LRRC73: variants seen among roughly 807,000 people sequenced by gnomAD.
LRRC73 encodes the protein leucine-rich repeat-containing protein 73.
Under a neutral mutation model 26.4 loss-of-function variants are expected in LRRC73, and 16 were observed. The observed-to-expected ratio is 0.61, with a 90% CI of 0.41 to 0.92. The LOEUF is 0.92. Ranked by LOEUF, LRRC73 falls within the 40% of genes least tolerant of loss-of-function variation. The probability of loss-of-function intolerance (pLI) is 0.00; values close to 1 mark genes in which losing one functional copy is unlikely to be tolerated. For missense variants in LRRC73, 344 were observed against 416.3 expected, an observed-to-expected ratio of 0.83 and a Z score of 1.51; for synonymous variants, 210 against 179.8, an observed-to-expected ratio of 1.17 and a Z score of -1.34.
At position 43,509,754 on chromosome 6, in the gene LRRC73, T is replaced by TC; in HGVS notation, c.31dup (p.Glu11GlyfsTer54). On this transcript the variant is annotated frameshift_variant, in exon 1 of 6. Transcript: ENST00000372441. LOFTEE classifies it high-confidence loss of function. ...CCGCACCTCGGCGCCGGACAGCGGCTCCCCCGAAATCTGGATGGAGCTGGG... is the reference window on the plus strand; with the variant it reads ...CCGCACCTCGGCGCCGGACAGCGGCTCCCCCCGAAATCTGGATGGAGCTGGG... 6.3e-7 allele frequency: 1 copy of TC among 1,583,206 alleles called. No individual in the cohort carries two copies. The highest frequency in any genetic ancestry group is 8.5e-7 in the Non-Finnish European group (1 of 1,172,986).
chr6:43,508,122 T>C (rs532894112), intron 3 of LRRC73, among the ~76,000 whole-genome samples, 176 bp downstream of exon 3: 1 of 152,300 alleles, frequency 6.6e-6, no homozygotes, highest in East Asian at 1.9e-4. Context: ...TGGTGACTGA[T>C]GTTTTGATCT....
chr6:43,507,049 C>T (rs1792510096), exon 6 of LRRC73: 3 of 610,176 alleles, frequency 4.9e-6, no homozygotes, highest in Non-Finnish European at 8.6e-6. Flanking sequence ...GGTTCAAGTG[C>T]CCCCCAAGGC....
intron 1 of LRRC73, 31 bp from the exon 2 acceptor site, chr6:43,508,951 C>T: frequency 6.5e-7 from 1 of 1,546,254 alleles, no homozygotes; most frequent in East Asian, 2.3e-5. Context: ...AGGGTTACTG[C>T]AGTCCTCCGC....
chr6:43,507,986 C>A, intron 3 of LRRC73, 60 bp from the exon 4 acceptor site: 1 of 1,444,322 alleles, frequency 6.9e-7, no homozygotes, highest in South Asian at 1.2e-5. Flanking sequence ...TTACAGATAG[C>A]TTCCCCATTG....
exon 5 of LRRC73, chr6:43,507,616 G>A (rs200449540): frequency 1.2e-5 from 20 of 1,614,112 alleles, no homozygotes; most frequent in Non-Finnish European, 1.5e-5. Context: ...GGCTAATGCT[G>A]TTCTCAGCCA....
chr6:43,510,004 G>C, exon 1 of LRRC73: 2 of 335,740 alleles, frequency 6.0e-6, no homozygotes, highest in Middle Eastern at 8.4e-4. Flanking sequence ...CCGGCCAGAG[G>C]TGCGGAGGCG....
At position 43,508,334 on chromosome 6, in the gene LRRC73, G is replaced by A; in HGVS notation, c.520C>T (p.Gln174Ter). Reference sequence around the variant, plus strand: ...TAATCCAGATTGAGGACGCGGACCTGGGAGCTGTGGGCCACGGCAATGGCA... The same window carrying A: ...TAATCCAGATTGAGGACGCGGACCTAGGAGCTGTGGGCCACGGCAATGGCA... The change falls in exon 3 of 6, where the codon CAG (glutamine) becomes TAG (stop). Residue 174 changes from glutamine (Q) to a stop codon, truncating the protein, a stop_gained. Transcript: ENST00000372441. LOFTEE classifies it high-confidence loss of function. The A allele has an allele frequency of 6.2e-7, 1 of 1,613,528 alleles. No homozygotes were observed. Among genetic ancestry groups the A allele is most frequent in the Non-Finnish European group, 8.5e-7 (1 of 1,179,820 alleles).
At chr6:43,509,854 G>A in exon 1 of LRRC73, 1 of 1,364,760 alleles carries the variant, frequency 7.3e-7, no homozygotes, top group Non-Finnish European at 9.4e-7. Flanking sequence ...GCGGGGCCGG[G>A]GATAGGGCCG....
exon 1 of LRRC73, chr6:43,509,647 G>A (rs1792604959): frequency 3.1e-6 from 5 of 1,599,730 alleles, no homozygotes; most frequent in Non-Finnish European, 4.3e-6. Context: ...CGGCAGATGC[G>A]GCCAAAGTCG....
At chr6:43,507,135 T>G (rs1341516554) in exon 6 of LRRC73, 1 of 1,260,748 alleles carries the variant, frequency 7.9e-7, no homozygotes, top group Non-Finnish European at 1.1e-6. Flanking sequence ...ATGCAGCCCC[T>G]GACCCCAGTT....
At chr6:43,507,758 T>TGTCATCAG in intron 4 of LRRC73, 68 bp downstream of exon 4, 3 of 1,590,696 alleles carry the variant, frequency 1.9e-6, no homozygotes, top group Non-Finnish European at 2.6e-6. Flanking sequence ...GCCTTAGGTA[T>TGTCATCAG]GTCATCAGAC....
chr6:43,507,346 T>TG (rs772849714), intron 5 of LRRC73, 38 bp from the exon 6 acceptor site: 2 of 1,612,480 alleles, frequency 1.2e-6, no homozygotes, highest in Admixed American at 3.3e-5. Context: ...CCACCATTCC[T>TG]TCCTCCAATG....
exon 6 of LRRC73, chr6:43,507,299 G>C: frequency 6.2e-7 from 1 of 1,614,012 alleles, no homozygotes; most frequent in South Asian, 1.1e-5. Flanking sequence ...CACCATCTGA[G>C]AGCTGGGATC....
At chr6:43,508,057 G>T in intron 3 of LRRC73, 131 bp from the exon 4 acceptor site, 1 of 1,008,458 alleles carries the variant, frequency 9.9e-7, no homozygotes, top group Non-Finnish European at 1.5e-6. Flanking sequence ...GTGGTGGTCA[G>T]GAAGGGATCA....
chr6:43,507,867 G>A (rs1289163807), exon 4 of LRRC73: 1 of 1,613,862 alleles, frequency 6.2e-7, no homozygotes. Flanking sequence ...TCCAAGTCTA[G>A]GACCTCTAGG....
At chr6:43,507,232 G>A in exon 6 of LRRC73, 1 of 1,613,672 alleles carries the variant, frequency 6.2e-7, no homozygotes, top group African/African-American at 1.3e-5. Flanking sequence ...GAGGCCCAGT[G>A]GAGAGTCACA....
intron 2 of LRRC73, 88 bp downstream of exon 2, chr6:43,508,672 A>T: frequency 6.6e-7 from 1 of 1,504,760 alleles, no homozygotes; most frequent in Non-Finnish European, 9.0e-7. Context: ...CCACATCATC[A>T]GAGCTCTGGG....
exon 6 of LRRC73, chr6:43,507,030 A>G (rs112886696): frequency 0.022 from 13,137 of 586,130 alleles, 203 homozygotes; most frequent in South Asian, 0.034. Context: ...GTTCAAAGGC[A>G]TTGCCGTGGG....
At chr6:43,509,416 A>C in intron 1 of LRRC73, 98 bp downstream of exon 1, 1 of 1,378,558 alleles carries the variant, frequency 7.3e-7, no homozygotes, top group Non-Finnish European at 9.7e-7. Flanking sequence ...ATGTGAAGGT[A>C]GGATGGTACT....
Sources: allele counts gnomAD v4.1 joint callset (sites outside exome capture counted in the v4.1 genomes callset), GRCh38; gene constraint gnomAD v4.1.1; transcripts MANE v1.5; gene names NCBI Gene and HGNC (gene_info 2026-07-23, HGNC 2026-07-21).